DEPDC1B: variants seen among roughly 807,000 people sequenced by gnomAD.
DEPDC1B encodes the protein DEP domain-containing protein 1B.
In DEPDC1B, 51 loss-of-function variants were observed where a neutral mutation model predicts 66.5. The ratio of observed to expected loss-of-function variants is 0.77; its 90% CI spans 0.61 to 0.97. The LOEUF is 0.97. Among genes scored for constraint, DEPDC1B ranks in the 50% least tolerant of loss-of-function variants. The pLI is 0.00. For missense variants in DEPDC1B, 552 were observed against 637.1 expected (o/e 0.87, Z 1.44); for synonymous variants, 226 against 223.6 (o/e 1.01, Z -0.10).
intron 7 of DEPDC1B, among the ~76,000 whole-genome samples, chr5:60,633,169 G>C (rs1264024746): frequency 6.6e-6 from 1 of 152,186 alleles, no homozygotes. Flanking sequence ...GCAGAAGCCA[G>C]GACTGGAATC....
At chr5:60,654,575 AGTGACAGTTTGACTTCC>A (rs1753533465) in intron 2 of DEPDC1B, among the ~76,000 whole-genome samples, 1 of 148,854 alleles carries the variant, frequency 6.7e-6, no homozygotes, top group Non-Finnish European at 1.5e-5. Context: ...ATCAAGAAAC[AGTGACAGTTTGACTTCC>A]GCTTTACCAA....
chr5:60,597,704 C>G lies in DEPDC1B; in HGVS notation c.*49G>C, dbSNP rs1468732122. 1.3e-6 allele frequency: 2 copies of G among 1,567,550 alleles called. No individual in the cohort carries two copies. Among genetic ancestry groups the G allele is most frequent in the Admixed American group, 4.2e-5 (2 of 47,670 alleles). ...AAGTCTTTCTCCTAACCACCATTCA[C>G]TCAAAACAACAACAGTGGTCTCTAG... is the stretch of plus-strand genomic sequence containing the variant. On this transcript the variant is annotated 3_prime_UTR_variant, in exon 11 of 11. Coordinates refer to ENST00000265036, the MANE Select transcript of DEPDC1B (RefSeq NM_018369.3).
chr5:60,689,062 G>C (rs1234005340), intron 1 of DEPDC1B: 1 of 456,132 alleles, frequency 2.2e-6, no homozygotes, highest in Non-Finnish European at 4.4e-6. Flanking sequence ...TGAGGAATGG[G>C]GAAAACAAGA....
chr5:60,678,405 G>T (rs1754220123), intron 2 of DEPDC1B, among the ~76,000 whole-genome samples: 5 of 152,072 alleles, frequency 3.3e-5, no homozygotes. Flanking sequence ...CATTGTTTTT[G>T]TCTCTCTAGG....
Position 60,642,807 on chromosome 5 carries a change from C to A in DEPDC1B, c.757+5G>T. 2 of 1,607,998 alleles carry A rather than the reference C, an allele frequency of 1.2e-6. No homozygotes were observed. The highest frequency in any genetic ancestry group is 1.7e-6 in the Non-Finnish European group (2 of 1,177,968). ...TCACAAAACTGGCAGATAATTAGTA[C>A]TTACAATTTGCCAAACACTTCATAG... On this transcript the variant is annotated splice_donor_5th_base_variant and intron_variant, in intron 6 of 10. Coordinates refer to ENST00000265036, the MANE Select transcript of DEPDC1B (RefSeq NM_018369.3).
chr5:60,621,412 G>C (rs887754772), intron 7 of DEPDC1B, among the ~76,000 whole-genome samples: 1 of 152,084 alleles, frequency 6.6e-6, no homozygotes, highest in Admixed American at 6.5e-5. Context: ...GATGAAGCTG[G>C]AAACCATTAT....
chr5:60,640,436 G>C lies in DEPDC1B; in HGVS notation c.758-1546C>G, dbSNP rs895206667. On this transcript the variant is annotated intron_variant, in intron 6 of 10. Transcript: ENST00000265036. ...CAGTGCATGGTGAGCCCTATGAGAG[G>C]AAGCCATATTTTTATGACCTTTTCT... 3.9e-5 allele frequency among the ~76,000 whole-genome samples: 6 copies of C among 152,214 alleles called. No homozygotes were observed. The East Asian group carries it at 9.6e-4, about 24-fold the overall frequency.
At position 60,647,401 on chromosome 5, in the gene DEPDC1B, CACA is replaced by C; in HGVS notation, c.444_446del (p.Val149del). On this transcript the variant is annotated inframe_deletion, in exon 3 of 11. Coordinates refer to ENST00000265036, the MANE Select transcript of DEPDC1B (RefSeq NM_018369.3). ...ATCTTTCAGTCATGGCACTTACCAT[CACA>C]ACTGGCCTCACTGGGATGTTCTCTT... 1 of 1,598,774 alleles carries C rather than the reference CACA, an allele frequency of 6.3e-7. No individual in the cohort carries two copies. The highest frequency in any genetic ancestry group is 8.5e-7 in the Non-Finnish European group (1 of 1,174,844).
At chr5:60,636,838 T>A (rs1048501911) in intron 7 of DEPDC1B, among the ~76,000 whole-genome samples, 4 of 151,894 alleles carry the variant, frequency 2.6e-5, no homozygotes, top group African/African-American at 9.7e-5. Context: ...GGCAATAAAT[T>A]CCCCCAATCT....
chr5:60,607,029 C>T (rs1752325104), intron 7 of DEPDC1B, among the ~76,000 whole-genome samples: 1 of 152,128 alleles, frequency 6.6e-6, no homozygotes, highest in Non-Finnish European at 1.5e-5. Flanking sequence ...CAAAGATATA[C>T]CAGGCCTCTT....
intron 2 of DEPDC1B, among the ~76,000 whole-genome samples, chr5:60,661,105 A>G (rs1200622880): frequency 6.6e-6 from 1 of 152,202 alleles, no homozygotes; most frequent in Non-Finnish European, 1.5e-5. Flanking sequence ...ATAAATTTGC[A>G]TAAGAACTGT....
intron 10 of DEPDC1B, among the ~76,000 whole-genome samples, chr5:60,598,403 T>G (rs964577689): frequency 3.3e-5 from 5 of 152,170 alleles, no homozygotes; most frequent in Admixed American, 3.3e-4. Context: ...CTGAGAATAA[T>G]ATGATCAGAA....
At chr5:60,695,089 T>C (rs565461763) in intron 1 of DEPDC1B, among the ~76,000 whole-genome samples, 107 of 152,330 alleles carry the variant, frequency 7.0e-4, no homozygotes, top group African/African-American at 2.6e-3. Flanking sequence ...TTTTTTAATA[T>C]GTAAACCTTT....
At chr5:60,679,005 A>G (rs765474400) in intron 2 of DEPDC1B, among the ~76,000 whole-genome samples, 1 of 152,204 alleles carries the variant, frequency 6.6e-6, no homozygotes, top group Non-Finnish European at 1.5e-5. Flanking sequence ...CTGTTTTTCT[A>G]AAAGTTCTGT....
chr5:60,616,070 C>G (rs186634860), intron 7 of DEPDC1B, among the ~76,000 whole-genome samples: 67 of 152,324 alleles, frequency 4.4e-4, no homozygotes, highest in Non-Finnish European at 7.6e-4. Context: ...AACAGACCTG[C>G]AGCTGAGGGT....
At chr5:60,615,590 G>C (rs1372600534) in intron 7 of DEPDC1B, among the ~76,000 whole-genome samples, 8 of 152,224 alleles carry the variant, frequency 5.3e-5, no homozygotes, top group Non-Finnish European at 1.2e-4. Flanking sequence ...GTGGCAGCCA[G>C]GCTGGGGGAG....
chr5:60,616,281 AG>A (rs1214402746), intron 7 of DEPDC1B, among the ~76,000 whole-genome samples: 2 of 152,242 alleles, frequency 1.3e-5, no homozygotes, highest in Admixed American at 1.3e-4. Context: ...AACAGAACAA[AG>A]CTGGATGGAG....
At chr5:60,620,553 T>C (rs1257616131) in intron 7 of DEPDC1B, among the ~76,000 whole-genome samples, 2 of 152,192 alleles carry the variant, frequency 1.3e-5, no homozygotes, top group Non-Finnish European at 2.9e-5. Flanking sequence ...TCACCATCAC[T>C]GGCCATCAGA....
rs753227665 is a variant in DEPDC1B, at chr5:60,599,142, G to A, written c.1361C>T (p.Ala454Val). 6.2e-7 allele frequency: 1 copy of A among 1,613,108 alleles called. No individual in the cohort carries two copies. The highest frequency in any genetic ancestry group is 1.3e-5 in the African/African-American group (1 of 74,812). Residue 454 changes from alanine (A) to valine (V), a missense_variant, in exon 10 of 11, where the codon GCC becomes GTC. Physicochemically the swap from Ala to Val is moderately conservative, Grantham distance 64. Transcript: ENST00000265036. ...RSYGSQEPLAALLEEVITDAK... is the reference protein window; with the variant it reads ...RSYGSQEPLAVLLEEVITDAK... ...ATCTGTTATGACTTCCTCCAACAAG[G>A]CTGCCAGAGGTTCCTGAGAGCCATA...
Sources: allele counts gnomAD v4.1 joint callset (sites outside exome capture counted in the v4.1 genomes callset), GRCh38; gene constraint gnomAD v4.1.1; transcripts MANE v1.5; gene names NCBI Gene and HGNC (gene_info 2026-07-23, HGNC 2026-07-21).